Variants in MICAL2 observed in about 807,000 individuals in gnomAD.
The protein encoded by MICAL2 is [F-actin]-monooxygenase MICAL2.
MICAL2 carries 77 observed loss-of-function variants against 127.3 expected under a neutral mutation model. The ratio of observed to expected loss-of-function variants is 0.60; its 90% confidence interval spans 0.50 to 0.73. The LOEUF is 0.73. Ranked by LOEUF, MICAL2 falls within the 30% of genes least tolerant of loss-of-function variation. The pLI, the probability that MICAL2 is intolerant of heterozygous loss-of-function variation, is 0.00. For synonymous variants in MICAL2, 570 were observed against 551.1 expected (o/e 1.03, Z -0.48); for missense variants, 1,351 against 1,434.4 (o/e 0.94, Z 0.94).
chr11:12,166,847 G>A (rs2133840791), intron 3 of MICAL2, among the ~76,000 whole-genome samples: 1 of 152,280 alleles, frequency 6.6e-6, no homozygotes, highest in South Asian at 2.1e-4. Flanking sequence ...GTGGGGCTTG[G>A]CAGATGAGTA....
chr11:12,180,347 A>ATATG (rs1565107932), intron 3 of MICAL2, among the ~76,000 whole-genome samples: 1 of 131,194 alleles, frequency 7.6e-6, no homozygotes, highest in Non-Finnish European at 1.5e-5. Flanking sequence ...ATATATGTAT[A>ATATG]TATTTTTTTT....
intron 22 of MICAL2, chr11:12,253,778 T>C (rs1400635543): frequency 1.3e-5 from 2 of 152,216 alleles, no homozygotes; most frequent in South Asian, 2.1e-4. Context: ...CTCTCTGCCG[T>C]CTCTGGGGCA....
intron 32 of MICAL2, among the ~76,000 whole-genome samples, chr11:12,344,116 C>T (rs752680309): frequency 2.0e-5 from 3 of 151,864 alleles, no homozygotes; most frequent in Admixed American, 6.6e-5. Flanking sequence ...GGCAACATAG[C>T]GAAACCCCAT....
At chr11:12,359,591 A>C (rs1254992410), downstream of MICAL2, among the ~76,000 whole-genome samples, 1 of 152,118 alleles carries the variant, frequency 6.6e-6, no homozygotes, top group Non-Finnish European at 1.5e-5. Flanking sequence ...TGGGTCATGA[A>C]TTTTTTTAAT....
chr11:12,127,215 G>A (rs1479695576), intron 1 of MICAL2, among the ~76,000 whole-genome samples: 1 of 152,180 alleles, frequency 6.6e-6, no homozygotes, highest in African/African-American at 2.4e-5. Context: ...GGACATTTCA[G>A]TCTAGGCATC....
At position 12,223,471 on chromosome 11, in the gene MICAL2, G is replaced by C; in HGVS notation, c.1510G>C (p.Val504Leu). 1 of 1,614,110 alleles carries C rather than the reference G, an allele frequency of 6.2e-7. No individual in the cohort carries two copies. Among genetic ancestry groups the C allele is most frequent in the Non-Finnish European group, 8.5e-7 (1 of 1,180,012 alleles). Residue 504 changes from valine (V) to leucine (L), a missense_variant, in exon 12 of 28, where the codon GTG (valine) becomes CTG (leucine). Physicochemically the swap from Val to Leu is conservative, Grantham distance 32. Around this residue, in one of 2 missense-constraint regions of MICAL2, gnomAD observed 599 missense variants for 714.9 expected, o/e 0.84. Coordinates refer to ENST00000683283, the MANE Select transcript of MICAL2 (RefSeq NM_001282663.2). ...EHYPLERLGS[V>L]RRSVNLSRKE... ...CTACCCTCTCGAGAGACTGGGCTCG[G>C]TGAGGAGATCTGTCAACCTCTCCAG...
chr11:12,207,809 T>C (rs1854918803), intron 4 of MICAL2: 1 of 493,058 alleles, frequency 2.0e-6, no homozygotes, highest in Non-Finnish European at 3.6e-6. Flanking sequence ...ATTTCTCATC[T>C]ACAGAATGAG....
Position 12,249,458 on chromosome 11 carries a change from A to T in MICAL2, c.2847+212A>T, listed in dbSNP as rs141671778. The stretch of plus-strand genomic sequence containing the variant: ...TCAGCTCTGAACTTGTAATTTCCAG[A>T]CACCCTTGAACACAGTGATTTCAGT... On this transcript the variant is annotated intron_variant, in intron 22 of 27. Coordinates refer to ENST00000683283, the MANE Select transcript of MICAL2 (RefSeq NM_001282663.2). Among the ~76,000 whole-genome samples the T allele has an allele frequency of 3.8e-3, 574 of 152,286 alleles. 3 individuals carry two copies. Among genetic ancestry groups the T allele is most frequent in the African/African-American group, 0.013 (531 of 41,550 alleles).
intron 22 of MICAL2, chr11:12,250,420 C>T (rs577425207): frequency 2.6e-5 from 4 of 152,328 alleles, no homozygotes; most frequent in African/African-American, 7.2e-5. Flanking sequence ...CTATCTGCCG[C>T]GTGCCTCCTG....
chr11:12,111,417 C>T (rs1441890217), intron 1 of MICAL2, among the ~76,000 whole-genome samples: 1 of 152,202 alleles, frequency 6.6e-6, no homozygotes, highest in East Asian at 1.9e-4. Context: ...TGGCTGGCCC[C>T]GGGGAGAGGT....
chr11:12,296,467 GT>G (rs1280437021), downstream of MICAL2, among the ~76,000 whole-genome samples: 4 of 149,888 alleles, frequency 2.7e-5, no homozygotes, highest in African/African-American at 9.8e-5. Flanking sequence ...TTAAACTTTA[GT>G]TTAATAAATT....
intron 1 of MICAL2, among the ~76,000 whole-genome samples, chr11:12,123,021 C>T (rs529689986): frequency 6.6e-6 from 1 of 152,190 alleles, no homozygotes; most frequent in Admixed American, 6.5e-5. Context: ...ATCTGTCTAC[C>T]ACCCAATAGC....
chr11:12,254,440 C>G (rs1023354092), intron 22 of MICAL2: 1 of 152,398 alleles, frequency 6.6e-6, no homozygotes, highest in Non-Finnish European at 1.5e-5. Context: ...CTGCCTGCAG[C>G]CCTCCGGGGA....
At chr11:12,148,434 G>A (rs1199736472) in intron 2 of MICAL2, among the ~76,000 whole-genome samples, 1 of 152,160 alleles carries the variant, frequency 6.6e-6, no homozygotes, top group Admixed American at 6.5e-5. Context: ...AGGGCTGTAG[G>A]GAGCCCTGAG....
chr11:12,222,423 T>C (rs1371139392), intron 10 of MICAL2, among the ~76,000 whole-genome samples, 194 bp from the exon 11 acceptor site: 1 of 152,138 alleles, frequency 6.6e-6, no homozygotes, highest in East Asian at 1.9e-4. Context: ...GGCGCCCCTT[T>C]CCTCTCGGCC....
downstream of MICAL2, among the ~76,000 whole-genome samples, chr11:12,264,817 T>C (rs893760057): frequency 6.6e-5 from 10 of 152,218 alleles, no homozygotes; most frequent in Admixed American, 5.9e-4. Context: ...TGCATTCATT[T>C]ATTCAGCAAA....
intron 32 of MICAL2, among the ~76,000 whole-genome samples, chr11:12,343,227 A>G (rs1293184952): frequency 6.6e-6 from 1 of 151,772 alleles, no homozygotes; most frequent in Non-Finnish European, 1.5e-5. Context: ...GGCCAACATG[A>G]TGAAACCCTA....
chr11:12,292,843 G>A (rs138750428), downstream of MICAL2, among the ~76,000 whole-genome samples: 1 of 152,300 alleles, frequency 6.6e-6, no homozygotes, highest in African/African-American at 2.4e-5. Flanking sequence ...GGGTGCTCTG[G>A]TGAAGCCCCT....
At chr11:12,270,945 C>T (rs996194962) in intron 24 of MICAL2, among the ~76,000 whole-genome samples, 6 of 152,150 alleles carry the variant, frequency 3.9e-5, no homozygotes, top group African/African-American at 1.2e-4. Flanking sequence ...CAGGGAGTGC[C>T]GCGCCTCTCC....
Sources: allele counts gnomAD v4.1 joint callset (sites outside exome capture counted in the v4.1 genomes callset), GRCh38; gene constraint gnomAD v4.1.1; regional missense constraint gnomAD v4.1.1; transcripts MANE v1.5; gene names NCBI Gene and HGNC (gene_info 2026-07-23, HGNC 2026-07-21).